MARCHF4: variants seen among roughly 807,000 people sequenced by gnomAD.
The protein encoded by MARCHF4 is membrane associated ring-CH-type finger 4.
Under a neutral mutation model 43.9 loss-of-function variants are expected in MARCHF4, and 14 were observed. The observed-to-expected ratio is 0.32, with a 90% confidence interval of 0.21 to 0.50. MARCHF4 has a LOEUF of 0.50. MARCHF4 is among the 20% of genes least tolerant of loss of function. The probability of loss-of-function intolerance (pLI) is 0.98; values close to 1 mark genes in which losing one functional copy is unlikely to be tolerated. For synonymous variants in MARCHF4, 226 were observed against 213.3 expected (o/e 1.06, Z -0.52); for missense variants, 468 against 536.7 (o/e 0.87, Z 1.27).
At chr2:216,275,507 G>T (rs1334753948) in intron 3 of MARCHF4, among the ~76,000 whole-genome samples, 1 of 152,198 alleles carries the variant, frequency 6.6e-6, no homozygotes, top group Admixed American at 6.5e-5. Flanking sequence ...TGAGCACTGG[G>T]TTGTGAGTCA....
chr2:216,280,422 C>T (rs1354731770), intron 2 of MARCHF4, among the ~76,000 whole-genome samples: 1 of 152,150 alleles, frequency 6.6e-6, no homozygotes, highest in African/African-American at 2.4e-5. Flanking sequence ...TGATTGGGTT[C>T]CGCTCCTACG....
intron 1 of MARCHF4, among the ~76,000 whole-genome samples, chr2:216,301,747 G>C (rs1019244236): frequency 6.6e-6 from 1 of 152,178 alleles, no homozygotes; most frequent in Non-Finnish European, 1.5e-5. Context: ...TAGCATAAAT[G>C]TACAATGATG....
At chr2:216,289,927 C>G (rs778259575) in intron 1 of MARCHF4, among the ~76,000 whole-genome samples, 2 of 152,132 alleles carry the variant, frequency 1.3e-5, no homozygotes, top group African/African-American at 4.8e-5. Flanking sequence ...TATATCCAAG[C>G]TGTTACAATC....
At chr2:216,338,394 T>C (rs899699890) in intron 1 of MARCHF4, among the ~76,000 whole-genome samples, 2 of 152,150 alleles carry the variant, frequency 1.3e-5, no homozygotes, top group African/African-American at 4.8e-5. Context: ...CCACAGAAGT[T>C]TCTGCCGCCT....
intron 1 of MARCHF4, 24 bp downstream of exon 1, chr2:216,369,721 A>G: frequency 1.3e-6 from 2 of 1,529,994 alleles, no homozygotes; most frequent in African/African-American, 2.8e-5. Context: ...CACAGGAAGC[A>G]GGAGAAGAGA....
chr2:216,303,660 G>A (rs929887499), intron 1 of MARCHF4: 1 of 152,166 alleles, frequency 6.6e-6, no homozygotes, highest in Non-Finnish European at 1.5e-5. Context: ...GGAAGGTTAG[G>A]TAAGTTCCTG....
chr2:216,368,198 TTTGGA>T (rs2105988227), intron 1 of MARCHF4, among the ~76,000 whole-genome samples: 2 of 152,278 alleles, frequency 1.3e-5, no homozygotes, highest in South Asian at 4.2e-4. Flanking sequence ...AATTCTTTCT[TTTGGA>T]GAGTATGAAG....
At chr2:216,347,439 G>T (rs745932338) in intron 1 of MARCHF4, among the ~76,000 whole-genome samples, 22 of 152,178 alleles carry the variant, frequency 1.4e-4, no homozygotes, top group Admixed American at 1.3e-4. Flanking sequence ...GAACTGAGAT[G>T]GTGGCAGTAT....
intron 1 of MARCHF4, among the ~76,000 whole-genome samples, chr2:216,299,573 T>C (rs1691454937): frequency 6.6e-6 from 1 of 152,214 alleles, no homozygotes; most frequent in Non-Finnish European, 1.5e-5. Flanking sequence ...ACCTGTATTT[T>C]CCCTGCTGCA....
chr2:216,296,182 A>G (rs563363698), intron 1 of MARCHF4, among the ~76,000 whole-genome samples: 98 of 151,696 alleles, frequency 6.5e-4, no homozygotes, highest in African/African-American at 2.1e-3. Context: ...AATAAAAATA[A>G]AAGTACAAAA....
At chr2:216,289,103 G>A (rs1574464998) in intron 1 of MARCHF4, among the ~76,000 whole-genome samples, 1 of 149,912 alleles carries the variant, frequency 6.7e-6, no homozygotes. Flanking sequence ...TGGAGACAGA[G>A]TCTCGCTCTG....
intron 1 of MARCHF4, among the ~76,000 whole-genome samples, chr2:216,330,236 ATGATAGTG>A (rs1315499792): frequency 2.0e-5 from 3 of 152,230 alleles, no homozygotes; most frequent in African/African-American, 7.2e-5. Flanking sequence ...CCATTTTATA[ATGATAGTG>A]TGATAGTGTG....
intron 1 of MARCHF4, among the ~76,000 whole-genome samples, chr2:216,305,218 A>G (rs1002558639): frequency 2.0e-5 from 3 of 152,222 alleles, no homozygotes; most frequent in African/African-American, 7.2e-5. Flanking sequence ...AAATGTGAAG[A>G]TAATCAGGAT....
intron 3 of MARCHF4, among the ~76,000 whole-genome samples, chr2:216,275,049 T>C (rs1003875327): frequency 6.6e-6 from 1 of 152,294 alleles, no homozygotes; most frequent in African/African-American, 2.4e-5. Context: ...CAGCACAGAA[T>C]GGATAAATTA....
intron 3 of MARCHF4, among the ~76,000 whole-genome samples, chr2:216,273,709 C>T (rs1404249173): frequency 6.6e-6 from 1 of 152,174 alleles, no homozygotes; most frequent in Admixed American, 6.5e-5. Context: ...TGTAGAATGC[C>T]TCAGATGTAA....
chr2:216,363,990 C>A (rs1330900285), intron 1 of MARCHF4, among the ~76,000 whole-genome samples: 1 of 152,138 alleles, frequency 6.6e-6, no homozygotes, highest in Non-Finnish European at 1.5e-5. Context: ...AATTCCAACT[C>A]CCGAGCTCAG....
chr2:216,340,531 C>T (rs1692221134), intron 1 of MARCHF4, among the ~76,000 whole-genome samples: 1 of 152,160 alleles, frequency 6.6e-6, no homozygotes, highest in Non-Finnish European at 1.5e-5. Context: ...CCTAATTCCA[C>T]CAGCACCTAC....
intron 1 of MARCHF4, among the ~76,000 whole-genome samples, chr2:216,306,244 C>T (rs1489936159): frequency 6.6e-6 from 1 of 152,138 alleles, no homozygotes; most frequent in African/African-American, 2.4e-5. Flanking sequence ...TTTGATCAAT[C>T]TTTTAAAATA....
chr2:216,312,804 C>T (rs1691711126), intron 1 of MARCHF4, among the ~76,000 whole-genome samples: 1 of 152,022 alleles, frequency 6.6e-6, no homozygotes, highest in Admixed American at 6.6e-5. Context: ...GCATAATTTG[C>T]AATTATTTTC....
Sources: gnomAD v4.1 joint callset for allele counts (sites outside exome capture counted in the v4.1 genomes callset) on GRCh38, gnomAD v4.1.1 for gene constraint, MANE v1.5 for transcripts, NCBI Gene and HGNC (gene_info 2026-07-23, HGNC 2026-07-21) for gene names.